CTNNA3: variants seen among roughly 807,000 people sequenced by gnomAD.
CTNNA3 encodes catenin alpha-3.
CTNNA3 carries 76 observed loss-of-function variants against 95.7 expected under a neutral mutation model. The observed-to-expected ratio is 0.79, with a 90% CI of 0.66 to 0.96. The LOEUF (loss-of-function observed/expected upper bound fraction) is 0.96, where lower values mean the gene tolerates loss of function less well. CTNNA3 is among the 40% of genes least tolerant of loss of function. The pLI is 0.00. For synonymous variants in CTNNA3, 431 were observed against 374.4 expected, an observed-to-expected ratio of 1.15 and a Z score of -1.74; for missense variants, 1,191 against 1,089.8, an observed-to-expected ratio of 1.09 and a Z score of -1.31.
chr10:67,689,017 C>A (rs1270855948), intron 1 of CTNNA3, among the ~76,000 whole-genome samples: 1 of 152,082 alleles, frequency 6.6e-6, no homozygotes, highest in African/African-American at 2.4e-5. Flanking sequence ...TCCTCTTAGA[C>A]CACAAAGAGG....
intron 1 of CTNNA3, among the ~76,000 whole-genome samples, chr10:67,760,279 T>C (rs1841455489): frequency 6.6e-6 from 1 of 152,200 alleles, no homozygotes; most frequent in South Asian, 2.1e-4. Flanking sequence ...ATTCAACTCG[T>C]GACTCTTCCC....
At chr10:66,180,007 A>C (rs1354343486) in intron 13 of CTNNA3, among the ~76,000 whole-genome samples, 2 of 152,170 alleles carry the variant, frequency 1.3e-5, no homozygotes, top group Non-Finnish European at 2.9e-5. Flanking sequence ...TAAAAAATTA[A>C]GTTTGCTTTT....
intron 13 of CTNNA3, among the ~76,000 whole-genome samples, chr10:66,269,945 A>G (rs1468119366): frequency 2.0e-5 from 3 of 152,178 alleles, no homozygotes; most frequent in African/African-American, 7.2e-5. Context: ...CTGTGCATTC[A>G]TAATTACATT....
chr10:66,374,611 T>C (rs1035306656), intron 12 of CTNNA3, among the ~76,000 whole-genome samples: 7,608 of 99,714 alleles, frequency 0.076, 497 homozygotes, highest in East Asian at 0.3. Flanking sequence ...AAAGCCTTTT[T>C]TTTTTTTTTT....
intron 11 of CTNNA3, among the ~76,000 whole-genome samples, chr10:66,394,008 A>T (rs1203217277): frequency 6.6e-6 from 1 of 152,080 alleles, no homozygotes; most frequent in Non-Finnish European, 1.5e-5. Context: ...AGGGAAAATC[A>T]TAGGTTTAAA....
At chr10:66,137,216 C>T (rs541490081) in intron 13 of CTNNA3, among the ~76,000 whole-genome samples, 24 of 152,080 alleles carry the variant, frequency 1.6e-4, no homozygotes, top group South Asian at 4.1e-4. Flanking sequence ...ACTGCTTTGA[C>T]GTGACTCCTG....
intron 5 of CTNNA3, among the ~76,000 whole-genome samples, chr10:67,434,855 A>G (rs896292475): frequency 2.0e-5 from 3 of 152,118 alleles, no homozygotes; most frequent in African/African-American, 7.2e-5. Context: ...GCTGCCTCCC[A>G]GATTTGAAAG....
chr10:66,677,280 C>T (rs1009583813), intron 9 of CTNNA3, among the ~76,000 whole-genome samples: 6 of 152,096 alleles, frequency 3.9e-5, no homozygotes, highest in Admixed American at 3.3e-4. Flanking sequence ...TAAAGGAGTG[C>T]TTCTCTAACT....
At chr10:67,069,907 A>G (rs964474066) in intron 7 of CTNNA3, among the ~76,000 whole-genome samples, 2 of 152,328 alleles carry the variant, frequency 1.3e-5, no homozygotes, top group African/African-American at 2.4e-5. Flanking sequence ...ACATGTGTAC[A>G]TATTTCTCCT....
intron 14 of CTNNA3, among the ~76,000 whole-genome samples, chr10:66,097,571 G>C (rs2081447802): frequency 6.6e-6 from 1 of 152,084 alleles, no homozygotes; most frequent in East Asian, 1.9e-4. Context: ...ACTGAGATTT[G>C]AGTCAAGGTT....
intron 17 of CTNNA3, among the ~76,000 whole-genome samples, chr10:65,921,480 T>C (rs1216191786): frequency 6.6e-6 from 1 of 152,262 alleles, no homozygotes; most frequent in East Asian, 1.9e-4. Context: ...ACAGAGATTG[T>C]GTCAAAACAC....
chr10:66,250,759 C>T (rs191540479), intron 13 of CTNNA3, among the ~76,000 whole-genome samples: 97 of 152,212 alleles, frequency 6.4e-4, no homozygotes, highest in South Asian at 1.7e-3. Flanking sequence ...ATGACAAATG[C>T]TTCTGGAATT....
intron 1 of CTNNA3, among the ~76,000 whole-genome samples, chr10:67,669,487 T>C (rs956426437): frequency 5.9e-5 from 9 of 152,114 alleles, no homozygotes. Flanking sequence ...ATAAGAATAG[T>C]AAGAAATGCA....
At chr10:66,665,219 CAGCTCATTT>C (rs1354455945) in intron 9 of CTNNA3, among the ~76,000 whole-genome samples, 2 of 19,882 alleles carry the variant, frequency 1.0e-4, no homozygotes, top group African/African-American at 8.0e-4. Context: ...AAGCTTACTT[CAGCTCATTT>C]CAGCTCAGAG....
chr10:67,299,071 G>A (rs1840159529), intron 5 of CTNNA3, among the ~76,000 whole-genome samples: 1 of 152,010 alleles, frequency 6.6e-6, no homozygotes, highest in Admixed American at 6.5e-5. Context: ...GCTAATTTTT[G>A]TATTTTTAGT....
At chr10:66,492,463 T>C (rs1407495523) in intron 11 of CTNNA3, among the ~76,000 whole-genome samples, 6 of 151,950 alleles carry the variant, frequency 3.9e-5, no homozygotes, top group African/African-American at 1.5e-4. Context: ...TTTTTTTTTT[T>C]TTTTGGTAGA....
chr10:66,733,101 A>G (rs1340150219), intron 9 of CTNNA3, among the ~76,000 whole-genome samples: 1 of 150,166 alleles, frequency 6.7e-6, no homozygotes, highest in Non-Finnish European at 1.5e-5. Flanking sequence ...TGGTCAAGTC[A>G]TACCTTTTTA....
chr10:66,448,803 T>C (rs1167137585), intron 11 of CTNNA3, among the ~76,000 whole-genome samples: 1 of 152,000 alleles, frequency 6.6e-6, no homozygotes, highest in African/African-American at 2.4e-5. Context: ...ATTGTCCACA[T>C]GTACCCTAAA....
chr10:66,097,182 T>C (rs1714916671), intron 14 of CTNNA3, among the ~76,000 whole-genome samples: 1 of 152,090 alleles, frequency 6.6e-6, no homozygotes, highest in Non-Finnish European at 1.5e-5. Context: ...AAAAATAATT[T>C]CAAAAGACTT....
Sources: gnomAD v4.1 joint callset for allele counts (sites outside exome capture counted in the v4.1 genomes callset) on GRCh38, gnomAD v4.1.1 for gene constraint, MANE v1.5 for transcripts, NCBI Gene and HGNC (gene_info 2026-07-23, HGNC 2026-07-21) for gene names.